Variants in RASAL2 observed in about 807,000 individuals in gnomAD.
RASAL2 encodes ras GTPase-activating protein nGAP.
Under a neutral mutation model 128.9 loss-of-function variants are expected in RASAL2, and 58 were observed. The observed-to-expected ratio is 0.45, with a 90% confidence interval of 0.36 to 0.56. The LOEUF is 0.56. RASAL2 is among the 20% of genes least tolerant of loss of function. The pLI, the probability that RASAL2 is intolerant of heterozygous loss-of-function variation, is 0.00. For synonymous variants in RASAL2, 561 were observed against 580.8 expected (o/e 0.97, Z 0.49); for missense variants, 1,360 against 1,601.6 (o/e 0.85, Z 2.57).
intron 1 of RASAL2, among the ~76,000 whole-genome samples, chr1:178,158,740 A>G (rs373801285): frequency 1.1e-4 from 17 of 152,300 alleles, no homozygotes; most frequent in Admixed American, 3.3e-4. Flanking sequence ...TTCCCTTATA[A>G]TTCAAATCCC....
intron 2 of RASAL2, among the ~76,000 whole-genome samples, chr1:178,297,025 G>A (rs1020709667): frequency 6.6e-6 from 1 of 151,340 alleles, no homozygotes; most frequent in Admixed American, 6.6e-5. Flanking sequence ...CCAGTACAGG[G>A]CCACAAGGGC....
intron 3 of RASAL2, among the ~76,000 whole-genome samples, chr1:178,369,424 A>AT (rs1671584156): frequency 1.3e-5 from 2 of 151,834 alleles, no homozygotes; most frequent in South Asian, 4.1e-4. Context: ...GGGTTTCACC[A>AT]TGTTGGCCAG....
At chr1:178,191,586 G>A (rs753180516) in intron 1 of RASAL2, among the ~76,000 whole-genome samples, 6 of 152,094 alleles carry the variant, frequency 3.9e-5, no homozygotes, top group East Asian at 1.9e-4. Flanking sequence ...CCGTTTACAC[G>A]TTAGCTTTTG....
intron 1 of RASAL2, among the ~76,000 whole-genome samples, chr1:178,165,972 C>T (rs1661503942): frequency 6.6e-6 from 1 of 152,046 alleles, no homozygotes; most frequent in South Asian, 2.1e-4. Flanking sequence ...CATTTCCCCC[C>T]CATCTTTGTA....
At chr1:178,207,023 A>T (rs1038345193) in intron 1 of RASAL2, among the ~76,000 whole-genome samples, 3 of 151,972 alleles carry the variant, frequency 2.0e-5, no homozygotes, top group African/African-American at 7.3e-5. Context: ...AAAAATAAAA[A>T]ATATATATAT....
intron 1 of RASAL2, among the ~76,000 whole-genome samples, chr1:178,282,437 A>G (rs1422194227): frequency 2.0e-5 from 3 of 152,200 alleles, no homozygotes; most frequent in Non-Finnish European, 2.9e-5. Flanking sequence ...ATAATTATGC[A>G]TATTTGGTTA....
intron 3 of RASAL2, among the ~76,000 whole-genome samples, chr1:178,335,091 C>G (rs953808751): frequency 2.6e-5 from 4 of 152,100 alleles, no homozygotes; most frequent in Non-Finnish European, 5.9e-5. Context: ...GTTTTTGTCA[C>G]TATCACTATC....
At chr1:178,392,754 G>A (rs1345029005) in intron 4 of RASAL2, among the ~76,000 whole-genome samples, 1 of 152,060 alleles carries the variant, frequency 6.6e-6, no homozygotes. Context: ...GATTTTTCTA[G>A]AATAATATTT....
At chr1:178,217,940 C>T (rs190237757) in intron 1 of RASAL2, among the ~76,000 whole-genome samples, 1 of 151,210 alleles carries the variant, frequency 6.6e-6, no homozygotes, top group Non-Finnish European at 1.5e-5. Flanking sequence ...TCAATCCCTT[C>T]AAATTCTTCC....
chr1:178,196,236 G>A (rs1662654165), intron 1 of RASAL2, among the ~76,000 whole-genome samples: 1 of 151,934 alleles, frequency 6.6e-6, no homozygotes. Context: ...AAAATATATT[G>A]CCTTACGAAT....
At chr1:178,308,882 T>G (rs1298514354) in intron 3 of RASAL2, among the ~76,000 whole-genome samples, 1 of 152,182 alleles carries the variant, frequency 6.6e-6, no homozygotes, top group East Asian at 1.9e-4. Flanking sequence ...TAGAAATATC[T>G]AGATAATTTA....
intron 3 of RASAL2, among the ~76,000 whole-genome samples, chr1:178,355,672 A>G (rs1670764815): frequency 6.6e-6 from 1 of 152,262 alleles, no homozygotes; most frequent in African/African-American, 2.4e-5. Flanking sequence ...GTCAAAAGAC[A>G]CTACTGAAAG....
intron 4 of RASAL2, among the ~76,000 whole-genome samples, chr1:178,414,569 A>G (rs1243151863): frequency 6.6e-6 from 1 of 151,990 alleles, no homozygotes; most frequent in East Asian, 1.9e-4. Flanking sequence ...GGGGAGGAAC[A>G]TTGGAAATCT....
chr1:178,243,391 C>T (rs1217161529), intron 1 of RASAL2, among the ~76,000 whole-genome samples: 1 of 152,000 alleles, frequency 6.6e-6, no homozygotes, highest in Non-Finnish European at 1.5e-5. Flanking sequence ...CAGGACCTCC[C>T]AGCCTGTGAA....
intron 1 of RASAL2, among the ~76,000 whole-genome samples, chr1:178,184,551 A>G (rs776028953): frequency 2.6e-5 from 4 of 152,088 alleles, no homozygotes; most frequent in East Asian, 1.9e-4. Flanking sequence ...CAGGCATCCA[A>G]TGTTTCAGCA....
intron 3 of RASAL2, among the ~76,000 whole-genome samples, chr1:178,303,899 C>A (rs1667877608): frequency 1.3e-5 from 2 of 151,966 alleles, no homozygotes; most frequent in African/African-American, 4.8e-5. Flanking sequence ...TAAAACTAAT[C>A]TATGGTGTTA....
chr1:178,350,789 C>T (rs1670429189), intron 3 of RASAL2, among the ~76,000 whole-genome samples: 1 of 152,162 alleles, frequency 6.6e-6, no homozygotes, highest in South Asian at 2.1e-4. Context: ...GGCCCCCTTA[C>T]TACTTGGCGC....
chr1:178,471,154 A>C (rs1379682572), intron 17 of RASAL2, among the ~76,000 whole-genome samples: 3 of 152,158 alleles, frequency 2.0e-5, no homozygotes, highest in African/African-American at 7.2e-5. Flanking sequence ...TGAACCCTGG[A>C]GAATCCTAAT....
At chr1:178,293,170 C>G (rs1667353767) in intron 2 of RASAL2, among the ~76,000 whole-genome samples, 1 of 152,162 alleles carries the variant, frequency 6.6e-6, no homozygotes, top group Admixed American at 6.5e-5. Flanking sequence ...CTTCTTTCCT[C>G]TTTCTCCCCC....
Sources: gnomAD v4.1 joint callset for allele counts (sites outside exome capture counted in the v4.1 genomes callset) on GRCh38, gnomAD v4.1.1 for gene constraint, MANE v1.5 for transcripts, NCBI Gene and HGNC (gene_info 2026-07-23, HGNC 2026-07-21) for gene names.